The following ALPK1 variants were observed in gnomAD, a reference collection of about 807,000 sequenced individuals.
The protein encoded by ALPK1 is alpha kinase 1.
ALPK1 carries 110 observed loss-of-function variants against 120.6 expected under a neutral mutation model. That is an observed-to-expected ratio of 0.91 (90% CI 0.78 to 1.07). ALPK1 has a LOEUF of 1.07. Ranked by LOEUF, ALPK1 falls within the 50% of genes least tolerant of loss-of-function variation. The pLI is 0.00. For synonymous variants in ALPK1, 582 were observed against 560.3 expected, an observed-to-expected ratio of 1.04 and a Z score of -0.55; for missense variants, 1,498 against 1,483.9, an observed-to-expected ratio of 1.01 and a Z score of -0.16.
intron 2 of ALPK1, among the ~76,000 whole-genome samples, chr4:112,323,152 G>A (rs1318303078): frequency 1.3e-5 from 2 of 152,146 alleles, no homozygotes; most frequent in Non-Finnish European, 2.9e-5. Flanking sequence ...GCTCCTCAGA[G>A]CCTACCCCTT....
chr4:112,343,605 A>T (rs1429107536), intron 2 of ALPK1: 1 of 152,242 alleles, frequency 6.6e-6, no homozygotes, highest in African/African-American at 2.4e-5. Context: ...ATAGCTTGTA[A>T]GCCACATTCT....
Position 112,431,202 on chromosome 4 carries a change from A to G in ALPK1, c.1655A>G (p.Asp552Gly), listed in dbSNP as rs1734531804. The change falls in exon 11 of 16, where the codon GAT (aspartate) becomes GGT (glycine). Residue 552 changes from aspartate (D) to glycine (G), a missense_variant. Physicochemically the swap from Asp to Gly is moderately conservative, Grantham distance 94. Coordinates refer to ENST00000650871, the MANE Select transcript of ALPK1 (RefSeq NM_025144.4). ...GCATTTCGAGTCTCCTTGGATCAAG[A>G]TGTGGAGACTGAGACTGAGCCATCG... ...SDAFRVSLDQ[D>G]VETETEPSDY... The G allele has an allele frequency of 6.2e-7, 1 of 1,614,070 alleles. No individual in the cohort carries two copies. Among genetic ancestry groups the G allele is most frequent in the Admixed American group, 1.7e-5 (1 of 60,012 alleles).
In ALPK1 at chr4:112,431,695, A is replaced by G; in HGVS notation, c.2148A>G (p.Ser716=). 6.2e-7 allele frequency: 1 copy of G among 1,614,190 alleles called. No homozygotes were observed. Among genetic ancestry groups the G allele is most frequent in the Non-Finnish European group, 8.5e-7 (1 of 1,180,036 alleles). ...ATACTTCTGCTCACTCCAGACCCTCATATCGTTCTGCTTCTTGGTCTTCTG... is the reference window on the plus strand; with the variant it reads ...ATACTTCTGCTCACTCCAGACCCTCGTATCGTTCTGCTTCTTGGTCTTCTG... The part of the protein sequence containing the change: ...PRNTSAHSRP[S]YRSASWSSDS... Residue 716 remains serine, a synonymous_variant, in exon 11 of 16, where the codon TCA becomes TCG. Coordinates refer to ENST00000650871, the MANE Select transcript of ALPK1 (RefSeq NM_025144.4).
chr4:112,298,371 A>G (rs573123571), intron 1 of ALPK1, among the ~76,000 whole-genome samples: 1 of 152,274 alleles, frequency 6.6e-6, no homozygotes, highest in African/African-American at 2.4e-5. Context: ...CACTTGGGAT[A>G]CACTCTAGTC....
At chr4:112,411,605 T>C (rs947308064) in intron 4 of ALPK1, 1 of 582,936 alleles carries the variant, frequency 1.7e-6, no homozygotes, top group African/African-American at 1.9e-5. Context: ...TATAATTTTA[T>C]AAATGTAATG....
chr4:112,374,597 A>G (rs1731567666), intron 2 of ALPK1, among the ~76,000 whole-genome samples: 1 of 152,228 alleles, frequency 6.6e-6, no homozygotes, highest in Non-Finnish European at 1.5e-5. Context: ...CAAAGAAATT[A>G]CTATAAAAGA....
chr4:112,435,079 A>C, intron 11 of ALPK1, 69 bp from the exon 12 acceptor site: 1 of 1,492,870 alleles, frequency 6.7e-7, no homozygotes. Context: ...CCTGTGTCAC[A>C]TCAGCTTTAT....
At chr4:112,314,876 CTTTT>C (rs763492984) in intron 1 of ALPK1, among the ~76,000 whole-genome samples, 20 of 99,642 alleles carry the variant, frequency 2.0e-4, no homozygotes, top group South Asian at 1.5e-3. Context: ...AATCCATTGC[CTTTT>C]TTTTTTTTTT....
At chr4:112,300,642 A>G (rs1268574879) in intron 1 of ALPK1, among the ~76,000 whole-genome samples, 1 of 151,238 alleles carries the variant, frequency 6.6e-6, no homozygotes, top group African/African-American at 2.4e-5. Context: ...TCTTGTGTTG[A>G]TTGCTTCTCT....
intron 12 of ALPK1, among the ~76,000 whole-genome samples, chr4:112,437,936 T>C (rs1320645409): frequency 6.6e-6 from 1 of 152,248 alleles, no homozygotes; most frequent in African/African-American, 2.4e-5. Flanking sequence ...TACTGCCTTG[T>C]GTCTTCCCAC....
At chr4:112,343,430 A>G (rs981742200) in intron 2 of ALPK1, 3 of 152,210 alleles carry the variant, frequency 2.0e-5, no homozygotes, top group African/African-American at 7.2e-5. Flanking sequence ...TAGTGAATGC[A>G]CTACAGAAAC....
chr4:112,378,023 A>T, intron 3 of ALPK1, 125 bp downstream of exon 3: 1 of 1,146,870 alleles, frequency 8.7e-7, no homozygotes, highest in Non-Finnish European at 1.2e-6. Flanking sequence ...CCGAGAGATG[A>T]GTGGATTTCT....
intron 1 of ALPK1, among the ~76,000 whole-genome samples, chr4:112,308,573 T>G (rs1268249570): frequency 6.6e-6 from 1 of 152,278 alleles, no homozygotes; most frequent in South Asian, 2.1e-4. Flanking sequence ...ATCACATATT[T>G]CTTGTTCCAT....
chr4:112,301,189 T>C (rs1251967411), intron 1 of ALPK1, among the ~76,000 whole-genome samples: 1 of 152,210 alleles, frequency 6.6e-6, no homozygotes, highest in African/African-American at 2.4e-5. Context: ...TTTTCTTCCC[T>C]GAGGTCATGC....
chr4:112,390,596 A>T (rs532868833), intron 4 of ALPK1, among the ~76,000 whole-genome samples: 4 of 152,118 alleles, frequency 2.6e-5, no homozygotes, highest in South Asian at 2.1e-4. Context: ...GGATGGATGG[A>T]TGATGGATGG....
intron 2 of ALPK1, among the ~76,000 whole-genome samples, chr4:112,340,631 G>A (rs1344812289): frequency 6.6e-6 from 1 of 152,168 alleles, no homozygotes; most frequent in African/African-American, 2.4e-5. Context: ...TTACAGAGTA[G>A]ATTCCCCCCT....
Position 112,438,644 on chromosome 4 carries a change from C to T in ALPK1, c.3349C>T (p.Leu1117=). The change falls in exon 13 of 16, where the codon CTG becomes TTG. Residue 1117 remains leucine (L), a splice_region_variant and synonymous_variant. Coordinates refer to ENST00000650871, the MANE Select transcript of ALPK1 (RefSeq NM_025144.4). ...ATTCTACATCCCATCCACAATACTA[C>T]TGGTAAGATTATCCTGAACACATCA... ...QIFYIPSTIL[L]ILEDKTIKGC... The T allele has an allele frequency of 1.2e-6, 2 of 1,612,972 alleles. No homozygotes were observed. Among genetic ancestry groups the T allele is most frequent in the Non-Finnish European group, 1.7e-6 (2 of 1,179,276 alleles).
chr4:112,424,713 C>G (rs1016004290), intron 6 of ALPK1, among the ~76,000 whole-genome samples: 2 of 152,088 alleles, frequency 1.3e-5, no homozygotes, highest in African/African-American at 4.8e-5. Context: ...AACCACACAC[C>G]CCTCACTTGT....
chr4:112,391,594 T>C (rs1388388451), intron 4 of ALPK1, among the ~76,000 whole-genome samples: 1 of 152,146 alleles, frequency 6.6e-6, no homozygotes, highest in Non-Finnish European at 1.5e-5. Context: ...ACTAGTGGCC[T>C]TGTGAGAATA....
Sources: allele counts gnomAD v4.1 joint callset (sites outside exome capture counted in the v4.1 genomes callset), GRCh38; gene constraint gnomAD v4.1.1; transcripts MANE v1.5; gene names NCBI Gene and HGNC (gene_info 2026-07-23, HGNC 2026-07-21).